Variants in KCNIP1 observed in about 807,000 individuals in gnomAD.
The protein encoded by KCNIP1 is potassium voltage-gated channel interacting protein 1.
Under a neutral mutation model 33.0 loss-of-function variants are expected in KCNIP1, and 18 were observed. That is an observed-to-expected ratio of 0.55 (90% CI 0.38 to 0.81). The LOEUF (loss-of-function observed/expected upper bound fraction) is 0.81. KCNIP1 is among the 30% of genes least tolerant of loss of function. The pLI is 0.00. For synonymous variants in KCNIP1, 93 were observed against 98.3 expected, an observed-to-expected ratio of 0.95 and a Z score of 0.32; for missense variants, 238 against 271.6, an observed-to-expected ratio of 0.88 and a Z score of 0.87.
At chr5:170,478,566 A>G (rs974904755) in intron 1 of KCNIP1, among the ~76,000 whole-genome samples, 1 of 152,094 alleles carries the variant, frequency 6.6e-6, no homozygotes, top group South Asian at 2.1e-4. Flanking sequence ...CCGAAGGCTT[A>G]CTGCAAGACT....
At position 170,659,014 on chromosome 5, in the gene KCNIP1, C is replaced by G. The variant is rs537261587; in HGVS notation, c.62-59744C>G. ...GTTTGTGAGCTTATTTAGGTTGTCC[C>G]CGGGCCCAGCATCAAAAGCATTGAG... On this transcript the variant is annotated intron_variant, in intron 1 of 7. Coordinates refer to ENST00000328939, the MANE Select transcript of KCNIP1 (RefSeq NM_014592.4). 3.9e-4 allele frequency among the ~76,000 whole-genome samples: 60 copies of G among 152,208 alleles called. 1 individual carries two copies. The South Asian group carries it at 0.012, about 29-fold the overall frequency.
intron 1 of KCNIP1, chr5:170,385,590 G>A: frequency 1.0e-6 from 1 of 974,580 alleles, no homozygotes; most frequent in African/African-American, 1.6e-5. Flanking sequence ...GTTTATATTT[G>A]GAGCTTTGCA....
chr5:170,698,214 T>A (rs1178254535), intron 1 of KCNIP1, among the ~76,000 whole-genome samples: 2 of 152,054 alleles, frequency 1.3e-5, no homozygotes, highest in African/African-American at 2.4e-5. Context: ...ATGGGGACAA[T>A]GAGACAGGGG....
At chr5:170,390,512 AAACAAATATATAT>A (rs1764680548) in intron 1 of KCNIP1, among the ~76,000 whole-genome samples, 1 of 78,052 alleles carries the variant, frequency 1.3e-5, no homozygotes, top group African/African-American at 4.7e-5. Flanking sequence ...CAAAAAAAAA[AAACAAATATATAT>A]ATATATATAT....
chr5:170,441,857 C>A (rs1755998374), intron 1 of KCNIP1, among the ~76,000 whole-genome samples: 1 of 145,570 alleles, frequency 6.9e-6, no homozygotes, highest in Non-Finnish European at 1.5e-5. Context: ...GAGGCTGAGG[C>A]AGGAGAATGG....
intron 1 of KCNIP1, among the ~76,000 whole-genome samples, chr5:170,648,356 T>C (rs547562079): frequency 3.9e-5 from 6 of 152,338 alleles, no homozygotes; most frequent in African/African-American, 1.4e-4. Flanking sequence ...TTATTCATAA[T>C]TGACAAAACT....
chr5:170,622,193 T>C (rs1275204465), intron 1 of KCNIP1, among the ~76,000 whole-genome samples: 2 of 152,238 alleles, frequency 1.3e-5, no homozygotes, highest in Non-Finnish European at 2.9e-5. Context: ...CAAATTCATA[T>C]TCACTCAGAA....
At chr5:170,582,042 A>G (rs938240528) in intron 1 of KCNIP1, among the ~76,000 whole-genome samples, 1 of 152,216 alleles carries the variant, frequency 6.6e-6, no homozygotes, top group Non-Finnish European at 1.5e-5. Flanking sequence ...TACCTGGACA[A>G]TGGCACCAAA....
chr5:170,577,629 G>A (rs1757650127), intron 1 of KCNIP1, among the ~76,000 whole-genome samples: 1 of 152,172 alleles, frequency 6.6e-6, no homozygotes, highest in African/African-American at 2.4e-5. Context: ...GTTTTCTCAG[G>A]TGCTCTAAGT....
chr5:170,426,805 C>A (rs970605867), intron 1 of KCNIP1, among the ~76,000 whole-genome samples: 1 of 152,360 alleles, frequency 6.6e-6, no homozygotes, highest in African/African-American at 2.4e-5. Context: ...AAGAGGGGTT[C>A]GTAGAGGGTG....
intron 1 of KCNIP1, among the ~76,000 whole-genome samples, chr5:170,476,133 G>A (rs1043132495): frequency 2.0e-5 from 3 of 151,976 alleles, no homozygotes; most frequent in Admixed American, 6.6e-5. Context: ...ACCATGCCTC[G>A]CTAATTTTTG....
intron 1 of KCNIP1, among the ~76,000 whole-genome samples, chr5:170,650,076 A>G (rs1035989677): frequency 2.6e-5 from 4 of 152,164 alleles, no homozygotes; most frequent in African/African-American, 9.7e-5. Flanking sequence ...GGGGAGAGAA[A>G]AGGGAATTTT....
chr5:170,390,333 C>T (rs1182505698), intron 1 of KCNIP1, among the ~76,000 whole-genome samples: 2 of 151,026 alleles, frequency 1.3e-5, no homozygotes, highest in African/African-American at 4.9e-5. Context: ...TGGCGAAACC[C>T]CATCTCTACT....
intron 1 of KCNIP1, among the ~76,000 whole-genome samples, chr5:170,640,823 A>G (rs1760516109): frequency 6.6e-6 from 1 of 152,022 alleles, no homozygotes; most frequent in South Asian, 2.1e-4. Context: ...GCAAGGGGGG[A>G]CACCTCACAG....
intron 1 of KCNIP1, among the ~76,000 whole-genome samples, chr5:170,656,997 T>C (rs1239420869): frequency 2.5e-3 from 106 of 43,114 alleles, no homozygotes; most frequent in African/African-American, 6.8e-3. Context: ...TCTTTCTTTC[T>C]TTTTTTTTTT....
At chr5:170,672,358 G>T (rs921498135) in intron 1 of KCNIP1, among the ~76,000 whole-genome samples, 1 of 152,220 alleles carries the variant, frequency 6.6e-6, no homozygotes, top group Non-Finnish European at 1.5e-5. Flanking sequence ...TCTCGAAGGG[G>T]TTCAGAAAAG....
chr5:170,722,929 G>A, intron 5 of KCNIP1, 109 bp downstream of exon 5: 1 of 688,614 alleles, frequency 1.5e-6, no homozygotes, highest in Non-Finnish European at 2.5e-6. Flanking sequence ...GGCAGGCTCT[G>A]CTTTGGGGCT....
chr5:170,621,939 A>T (rs1759619416), intron 1 of KCNIP1, among the ~76,000 whole-genome samples: 1 of 152,228 alleles, frequency 6.6e-6, no homozygotes, highest in South Asian at 2.1e-4. Flanking sequence ...AAGCCAGTAT[A>T]GAGACGTGTG....
At chr5:170,655,197 C>A (rs1367415196) in intron 1 of KCNIP1, among the ~76,000 whole-genome samples, 4 of 152,084 alleles carry the variant, frequency 2.6e-5, no homozygotes, top group Non-Finnish European at 4.4e-5. Context: ...ATATTTTTCC[C>A]AATTTGTTGG....
Sources: allele counts gnomAD v4.1 joint callset (sites outside exome capture counted in the v4.1 genomes callset), GRCh38; gene constraint gnomAD v4.1.1; transcripts MANE v1.5; gene names NCBI Gene and HGNC (gene_info 2026-07-23, HGNC 2026-07-21).